Variants in RUNX1T1 observed in about 807,000 individuals in gnomAD.
The protein encoded by RUNX1T1 is RUNX1 partner transcriptional co-repressor 1, also known as protein CBFA2T1.
RUNX1T1 carries 4 observed loss-of-function variants against 62.8 expected under a neutral mutation model. The ratio of observed to expected loss-of-function variants is 0.06; its 90% confidence interval spans 0.03 to 0.15. The LOEUF (loss-of-function observed/expected upper bound fraction) is 0.15. RUNX1T1 is among the 10% of genes least tolerant of loss of function. The pLI is 1.00. For missense variants in RUNX1T1, 508 were observed against 754.3 expected, an observed-to-expected ratio of 0.67 and a Z score of 3.82; for synonymous variants, 291 against 286.0, an observed-to-expected ratio of 1.02 and a Z score of -0.18.
intron 1 of RUNX1T1, among the ~76,000 whole-genome samples, chr8:92,045,880 T>A (rs1829302381): frequency 6.6e-6 from 1 of 152,240 alleles, no homozygotes; most frequent in South Asian, 2.1e-4. Flanking sequence ...AACTCAAAAG[T>A]TATACTTTGA....
chr8:91,960,137 T>A (rs1810098602), exon 11 of RUNX1T1: 5 of 1,164,914 alleles, frequency 4.3e-6, no homozygotes, highest in Non-Finnish European at 6.1e-6. Context: ...GGATAATTCA[T>A]CTAATAAACA....
At chr8:92,102,867 G>A, upstream of RUNX1T1, 2 of 1,522,452 alleles carry the variant, frequency 1.3e-6, no homozygotes, top group East Asian at 2.6e-5. The surrounding 1 kb of genome is among the most constrained non-coding windows in gnomAD (Gnocchi z 4.5). Flanking sequence ...ACTGCACAGG[G>A]CCGGAGAGTC....
intron 4 of RUNX1T1, among the ~76,000 whole-genome samples, chr8:92,008,367 A>ATCTCTC (rs149208341): frequency 1.6e-4 from 21 of 132,694 alleles, no homozygotes; most frequent in Middle Eastern, 3.8e-3. Context: ...GGTGCCACAT[A>ATCTCTC]TCTCTCTCTC....
intron 3 of RUNX1T1, 140 bp downstream of exon 4, chr8:92,014,439 A>T (rs1822603647): frequency 3.7e-6 from 3 of 807,876 alleles, no homozygotes; most frequent in Admixed American, 5.8e-5. Flanking sequence ...TCACTATAGC[A>T]TGAATCAGAC....
At chr8:91,977,974 G>C (rs1814352595) in intron 8 of RUNX1T1, among the ~76,000 whole-genome samples, 1 of 152,046 alleles carries the variant, frequency 6.6e-6, no homozygotes, top group African/African-American at 2.4e-5. Context: ...TTTTAGTAGA[G>C]ATGGGGTTTC....
chr8:92,023,112 A>G (rs547334765), intron 1 of RUNX1T1, among the ~76,000 whole-genome samples: 1 of 152,288 alleles, frequency 6.6e-6, no homozygotes, highest in South Asian at 2.1e-4. Flanking sequence ...AAGGAGGTCT[A>G]CTGAAGAGGT....
At chr8:91,991,658 C>T in exon 6 of RUNX1T1, 1 of 1,613,834 alleles carries the variant, frequency 6.2e-7, no homozygotes, top group Non-Finnish European at 8.5e-7. Context: ...TGTTTCTGTC[C>T]CTGAGGTCCC....
At chr8:92,037,604 G>T (rs1285615310) in intron 1 of RUNX1T1, among the ~76,000 whole-genome samples, 1 of 152,110 alleles carries the variant, frequency 6.6e-6, no homozygotes, top group East Asian at 1.9e-4. Context: ...GCTTGAGACC[G>T]GGAGGTCAAG....
rs144179013 is a variant in RUNX1T1 at position 92,034,565 on chromosome 8, A to T, written c.8-17202T>A. 5.1e-3 allele frequency among the ~76,000 whole-genome samples: 773 copies of T among 152,182 alleles called. 3 individuals are homozygous for T. Among genetic ancestry groups the T allele is most frequent in the Non-Finnish European group, 7.3e-3 (495 of 68,006 alleles). On this transcript the variant is annotated intron_variant, in intron 1 of 10. Transcript: ENST00000396218. The stretch of plus-strand genomic sequence containing the variant: ...ACGGAGATTTCCTTCTTATATCAAA[A>T]AGATACCTGCACTCCTAGTTTATTG...
intron 1 of RUNX1T1, among the ~76,000 whole-genome samples, chr8:92,024,656 T>C (rs9297902): frequency 0.23 from 35,315 of 152,030 alleles, 4,333 homozygotes; most frequent in African/African-American, 0.31. Flanking sequence ...GACACTTCCC[T>C]ACTTCCTCCT....
chr8:92,003,692 C>T (rs993646739), intron 5 of RUNX1T1, among the ~76,000 whole-genome samples: 8 of 152,160 alleles, frequency 5.3e-5, no homozygotes, highest in African/African-American at 1.9e-4. Flanking sequence ...AACAGGAATG[C>T]ACATGTAAAT....
At chr8:91,979,112 T>G (rs181890215) in intron 8 of RUNX1T1, among the ~76,000 whole-genome samples, 10 of 152,234 alleles carry the variant, frequency 6.6e-5, no homozygotes, top group African/African-American at 2.2e-4. Flanking sequence ...AAGAACAGAG[T>G]GATTGGTAGT....
chr8:91,982,342 T>C (rs925932167), intron 8 of RUNX1T1, among the ~76,000 whole-genome samples: 2 of 150,940 alleles, frequency 1.3e-5, no homozygotes, highest in Admixed American at 6.6e-5. Context: ...TCTAGAATAG[T>C]CAAAAGCCAG....
At chr8:92,048,527 T>G (rs1418632428) in intron 1 of RUNX1T1, among the ~76,000 whole-genome samples, 2 of 152,020 alleles carry the variant, frequency 1.3e-5, no homozygotes, top group African/African-American at 4.8e-5. Context: ...TTTAAAAAAT[T>G]TTTAAATATA....
At chr8:92,080,744 T>C (rs1255836890) in intron 1 of RUNX1T1, among the ~76,000 whole-genome samples, 1 of 152,236 alleles carries the variant, frequency 6.6e-6, no homozygotes, top group African/African-American at 2.4e-5. Flanking sequence ...ACAAAAGGTG[T>C]TCACTAAATA....
intron 1 of RUNX1T1, among the ~76,000 whole-genome samples, chr8:92,028,584 T>A (rs1344496748): frequency 1.3e-5 from 2 of 152,184 alleles, no homozygotes; most frequent in Admixed American, 1.3e-4. Context: ...TAGTTCCAGG[T>A]TAATCTGACT....
chr8:92,007,967 C>CAAAAA (rs34232877), intron 4 of RUNX1T1, among the ~76,000 whole-genome samples: 12 of 84,994 alleles, frequency 1.4e-4, no homozygotes, highest in East Asian at 4.4e-4. Flanking sequence ...GACTTTGTTT[C>CAAAAA]AAAAAAAAAA....
At chr8:91,991,968 G>T in intron 5 of RUNX1T1, 79 bp from the exon 7 acceptor site, 1 of 1,478,534 alleles carries the variant, frequency 6.8e-7, no homozygotes. Flanking sequence ...ATTTGAGCTT[G>T]GAATAAAAAC....
At chr8:92,048,525 A>T (rs1350081169) in intron 1 of RUNX1T1, among the ~76,000 whole-genome samples, 3 of 152,130 alleles carry the variant, frequency 2.0e-5, no homozygotes, top group South Asian at 4.1e-4. Context: ...TTTTTAAAAA[A>T]TTTTTAAATA....
Sources: allele counts gnomAD v4.1 joint callset (sites outside exome capture counted in the v4.1 genomes callset), GRCh38; gene constraint gnomAD v4.1.1; non-coding constraint Gnocchi (gnomAD v3.1); transcripts MANE v1.5; gene names NCBI Gene and HGNC (gene_info 2026-07-23, HGNC 2026-07-21).